UHRF2: variants seen among roughly 807,000 people sequenced by gnomAD.
UHRF2 encodes ubiquitin like with PHD and ring finger domains 2.
A neutral mutation model predicts 96.8 loss-of-function variants in UHRF2; 23 were observed. The observed-to-expected ratio is 0.24, with a 90% CI of 0.17 to 0.34. The LOEUF is 0.34. UHRF2 is among the 10% of genes least tolerant of loss of function. The pLI is 1.00. For synonymous variants in UHRF2, 385 were observed against 332.6 expected (o/e 1.16, Z -1.72); for missense variants, 685 against 981.5 (o/e 0.70, Z 4.04).
At chr9:6,413,888 C>T (rs1819435002) in intron 1 of UHRF2, 1 of 405,760 alleles carries the variant, frequency 2.5e-6, no homozygotes, top group East Asian at 4.0e-5. Flanking sequence ...GTCCGGAGCG[C>T]AAATATCTCG....
chr9:6,468,820 G>A (rs1484469828), intron 4 of UHRF2: 2 of 387,882 alleles, frequency 5.2e-6, no homozygotes, highest in African/African-American at 4.2e-5. Context: ...GATGGCTAAG[G>A]CATACAGGTA....
chr9:6,441,313 GCAGTGAGTGAAGATTGTGCCATTGTACTC>G (rs1016291487), intron 3 of UHRF2, among the ~76,000 whole-genome samples: 26 of 151,994 alleles, frequency 1.7e-4, no homozygotes, highest in Admixed American at 1.5e-3. Context: ...GGTGGAGGTT[GCAGTGAGTGAAGATTGTGCCATTGTACTC>G]CAGCTTGGGT....
chr9:6,497,245 C>T lies in UHRF2; in HGVS notation c.1652C>T (p.Ala551Val). 1 of 1,613,934 alleles carries T rather than the reference C, an allele frequency of 6.2e-7. No individual in the cohort carries two copies. ...GCTCCATTGGATGATAAAATTGGAGCAGAGTCTCGGAATTGGAGAGCTGGT... is the reference window on the plus strand; with the variant it reads ...GCTCCATTGGATGATAAAATTGGAGTAGAGTCTCGGAATTGGAGAGCTGGT... ...CDAPLDDKIG[A>V]ESRNWRAGKP... Residue 551 changes from alanine to valine, a missense_variant, in exon 11 of 16, where the codon GCA becomes GTA. Ala to Val is a moderately conservative substitution (Grantham distance 64). Transcript: ENST00000276893.
intron 2 of UHRF2, among the ~76,000 whole-genome samples, chr9:6,422,179 G>C (rs866156419): frequency 2.8e-4 from 43 of 152,248 alleles, no homozygotes; most frequent in South Asian, 4.1e-4. Context: ...TTGTCTATCT[G>C]TGTTCCTATT....
intron 2 of UHRF2, among the ~76,000 whole-genome samples, chr9:6,429,115 A>G (rs917255165): frequency 2.6e-5 from 4 of 151,976 alleles, no homozygotes; most frequent in African/African-American, 7.3e-5. Flanking sequence ...CAGTGAGCCA[A>G]CATCGCACCA....
chr9:6,446,499 T>C (rs930317565), intron 3 of UHRF2, among the ~76,000 whole-genome samples: 32 of 152,096 alleles, frequency 2.1e-4, no homozygotes, highest in African/African-American at 6.7e-4. Flanking sequence ...CAGGCTGGTC[T>C]CAAACTCCTG....
intron 2 of UHRF2, among the ~76,000 whole-genome samples, chr9:6,424,574 A>C (rs1050332286): frequency 1.1e-4 from 17 of 152,202 alleles, no homozygotes; most frequent in Admixed American, 1.1e-3. Context: ...AATTGAAGAT[A>C]GTAGAGAGAG....
intron 5 of UHRF2, among the ~76,000 whole-genome samples, chr9:6,475,927 G>C (rs1823541736): frequency 6.6e-6 from 1 of 152,080 alleles, no homozygotes; most frequent in East Asian, 1.9e-4. Flanking sequence ...GAAACATACA[G>C]TAAATGTTAA....
intron 3 of UHRF2, among the ~76,000 whole-genome samples, chr9:6,441,847 C>G (rs1472610306): frequency 6.6e-6 from 1 of 151,690 alleles, no homozygotes; most frequent in African/African-American, 2.4e-5. Context: ...AAATGAGGGA[C>G]CATTTCTCCA....
At chr9:6,437,307 GCTGCAACCT>G (rs1820910109) in intron 3 of UHRF2, among the ~76,000 whole-genome samples, 1 of 151,616 alleles carries the variant, frequency 6.6e-6, no homozygotes, top group East Asian at 2.0e-4. Context: ...ATCTCGGCTC[GCTGCAACCT>G]CTGCCTTGCA....
At chr9:6,482,219 T>C (rs979531309) in intron 8 of UHRF2, 120 bp downstream of exon 8, 32 of 848,702 alleles carry the variant, frequency 3.8e-5, no homozygotes, top group South Asian at 1.5e-4. Context: ...GAATGAAATA[T>C]ATTTTTTAGG....
At chr9:6,481,536 C>A in intron 6 of UHRF2, 107 bp from the exon 7 acceptor site, 1 of 1,315,992 alleles carries the variant, frequency 7.6e-7, no homozygotes, top group Non-Finnish European at 1.0e-6. Context: ...TAATGTATAC[C>A]AAATAATACA....
intron 3 of UHRF2, among the ~76,000 whole-genome samples, chr9:6,446,431 C>T (rs146745739): frequency 7.7e-4 from 114 of 147,786 alleles, no homozygotes; most frequent in South Asian, 2.6e-3. Flanking sequence ...GCGTGAGCCA[C>T]CATGCCTGGC....
intron 4 of UHRF2, among the ~76,000 whole-genome samples, chr9:6,467,461 C>T (rs1456570043): frequency 6.6e-6 from 1 of 151,980 alleles, no homozygotes; most frequent in Non-Finnish European, 1.5e-5. Flanking sequence ...TCTTTGGGGC[C>T]CATTGTTCTG....
Position 6,475,390 on chromosome 9 carries a change from G to T in UHRF2, c.864-1G>T. The T allele has an allele frequency of 2.0e-6, 3 of 1,516,786 alleles. No homozygotes were observed. Among genetic ancestry groups the T allele is most frequent in the Admixed American group, 2.1e-5 (1 of 48,480 alleles). The allele number at this position is 1,516,786 out of a possible 1,614,324, so 94.0% of individuals were successfully genotyped here. On this transcript the variant is annotated splice_acceptor_variant, in intron 4 of 15. Coordinates refer to ENST00000276893, the MANE Select transcript of UHRF2 (RefSeq NM_152896.3). LOFTEE classifies it high-confidence loss of function. ...TTAACCTTTCTTCCTTTTTTAAACA[G>T]GGGTTCTGAAGGAACATTAAATGAC... is the stretch of plus-strand genomic sequence containing the variant.
Position 6,483,846 on chromosome 9 carries a change from C to T in UHRF2, c.1392+1747C>T, listed in dbSNP as rs571975010. ...CTGGGATTACAGGCATGCACCACCACGCCTGACTAATTTTGTATTTTTAGT... is the reference window on the plus strand; with the variant it reads ...CTGGGATTACAGGCATGCACCACCATGCCTGACTAATTTTGTATTTTTAGT... On this transcript the variant is annotated intron_variant, in intron 8 of 15. Coordinates refer to ENST00000276893, the MANE Select transcript of UHRF2 (RefSeq NM_152896.3). 7.9e-5 allele frequency among the ~76,000 whole-genome samples: 12 copies of T among 152,166 alleles called. No individual in the cohort carries two copies. The South Asian group carries it at 8.3e-4, about 11-fold the overall frequency.
intron 6 of UHRF2, among the ~76,000 whole-genome samples, chr9:6,481,330 A>G (rs1291562639): frequency 6.6e-6 from 1 of 152,112 alleles, no homozygotes; most frequent in Non-Finnish European, 1.5e-5. Context: ...AATGACAGGA[A>G]CTTCAAATTT....
In UHRF2 at chr9:6,506,299, T is replaced by C; in HGVS notation, c.*120T>C. On this transcript the variant is annotated 3_prime_UTR_variant, in exon 16 of 16. Coordinates refer to ENST00000276893, the MANE Select transcript of UHRF2 (RefSeq NM_152896.3). ...TCTCACGTTCTGAAGCAGCTAATCC[T>C]CTTTCCCACATAGCCATCATCTTGT... 3 of 1,295,592 alleles carry C rather than the reference T, an allele frequency of 2.3e-6. No homozygotes were observed. Among genetic ancestry groups the C allele is most frequent in the Non-Finnish European group, 1.1e-6 (1 of 946,696 alleles). The allele number at this position is 1,295,592 out of a possible 1,614,324, so 80.3% of individuals were successfully genotyped here.
chr9:6,440,564 G>T (rs1292706875), intron 3 of UHRF2, among the ~76,000 whole-genome samples: 2 of 152,166 alleles, frequency 1.3e-5, no homozygotes, highest in African/African-American at 4.8e-5. Context: ...ATGAGCTGAA[G>T]ACTTGCTTTA....
Sources: allele counts gnomAD v4.1 joint callset (sites outside exome capture counted in the v4.1 genomes callset), GRCh38; gene constraint gnomAD v4.1.1; transcripts MANE v1.5; gene names NCBI Gene and HGNC (gene_info 2026-07-23, HGNC 2026-07-21).